WDFY3: variants seen among roughly 807,000 people sequenced by gnomAD.
WDFY3 encodes WD repeat and FYVE domain containing 3.
In WDFY3, 66 loss-of-function variants were observed where a neutral mutation model predicts 409.6. That is an observed-to-expected ratio of 0.16 (90% CI 0.13 to 0.20). The LOEUF (loss-of-function observed/expected upper bound fraction) is 0.20. Among genes scored for constraint, WDFY3 ranks in the 10% least tolerant of loss-of-function variants. The probability of loss-of-function intolerance (pLI) is 1.00; values close to 1 mark genes in which losing one functional copy is unlikely to be tolerated. For synonymous variants in WDFY3, 1,521 were observed against 1,537.1 expected (o/e 0.99, Z 0.25); for missense variants, 3,031 against 4,298.1 (o/e 0.71, Z 8.24).
In WDFY3 at chr4:84,877,889, C is replaced by T. The variant is rs1297845269; in HGVS notation, c.-31-17267G>A. ...GTTTAGAAGATAAATGATTTAGAGGCAGCTCAAGGACTAGTTAAGGTGATT... is the reference window on the plus strand; with the variant it reads ...GTTTAGAAGATAAATGATTTAGAGGTAGCTCAAGGACTAGTTAAGGTGATT... On this transcript the variant is annotated intron_variant, in intron 3 of 67. Transcript: ENST00000295888. Among the ~76,000 whole-genome samples the T allele has an allele frequency of 3.3e-5, 5 of 152,096 alleles. No homozygotes were observed. The East Asian group carries it at 5.8e-4, about 18-fold the overall frequency.
intron 10 of WDFY3, among the ~76,000 whole-genome samples, chr4:84,821,840 T>A (rs1181233303): frequency 6.6e-6 from 1 of 152,184 alleles, no homozygotes; most frequent in African/African-American, 2.4e-5. Context: ...ATTATAAACA[T>A]CCATGCTTCA....
intron 8 of WDFY3, 118 bp from the exon 9 acceptor site, chr4:84,829,308 T>G (rs1288142008): frequency 2.4e-6 from 2 of 829,436 alleles, no homozygotes; most frequent in African/African-American, 3.5e-5. Flanking sequence ...TAAAATACTA[T>G]GAGATAAATG....
intron 62 of WDFY3, 84 bp downstream of exon 62, chr4:84,688,002 G>T: frequency 7.0e-7 from 1 of 1,427,122 alleles, no homozygotes; most frequent in Non-Finnish European, 9.7e-7. Context: ...ACTCAGACAT[G>T]TTCCCCTGAG....
intron 16 of WDFY3, 141 bp from the exon 17 acceptor site, chr4:84,802,005 T>A: frequency 1.3e-6 from 1 of 773,164 alleles, no homozygotes; most frequent in East Asian, 2.7e-5. Flanking sequence ...TGGAGTGCAA[T>A]GGTGTGATCT....
chr4:84,805,370 C>T (rs573845541), intron 15 of WDFY3, among the ~76,000 whole-genome samples: 1 of 152,192 alleles, frequency 6.6e-6, no homozygotes, highest in African/African-American at 2.4e-5. Flanking sequence ...AAAGGAATTA[C>T]ATTCATTGTT....
At chr4:84,841,924 G>GAAAT (rs1422366913) in intron 5 of WDFY3, among the ~76,000 whole-genome samples, 4 of 152,118 alleles carry the variant, frequency 2.6e-5, no homozygotes, top group African/African-American at 9.7e-5. Flanking sequence ...TGGTGAGAGG[G>GAAAT]AAATAAGAGG....
intron 1 of WDFY3, among the ~76,000 whole-genome samples, chr4:84,962,161 A>G (rs918467066): frequency 1.6e-4 from 24 of 152,374 alleles, no homozygotes; most frequent in African/African-American, 5.8e-4. Flanking sequence ...GTACCAGCTC[A>G]TGGGAGCCCA....
chr4:84,769,309 T>C (rs1167955604), intron 30 of WDFY3, among the ~76,000 whole-genome samples: 4 of 152,206 alleles, frequency 2.6e-5, no homozygotes, highest in Non-Finnish European at 4.4e-5. Context: ...AGTTCTACCA[T>C]AGGTAAAATG....
intron 16 of WDFY3, 162 bp downstream of exon 16, chr4:84,803,128 T>C (rs1027127403): frequency 2.9e-6 from 2 of 700,888 alleles, no homozygotes; most frequent in African/African-American, 1.8e-5. Flanking sequence ...CCATTTATCA[T>C]GAAAGGTAAC....
At chr4:84,809,025 G>C (rs1314008135) in intron 14 of WDFY3, 1 of 152,220 alleles carries the variant, frequency 6.6e-6, no homozygotes, top group African/African-American at 2.4e-5. Flanking sequence ...TAGTTACATG[G>C]TCTATTGATG....
At chr4:84,857,375 G>A (rs1441212227) in intron 4 of WDFY3, among the ~76,000 whole-genome samples, 1 of 151,844 alleles carries the variant, frequency 6.6e-6, no homozygotes, top group African/African-American at 2.4e-5. Context: ...AAAATACATG[G>A]GATACATATA....
At position 84,865,203 on chromosome 4, in the gene WDFY3, A is replaced by C. The variant is rs76083268; in HGVS notation, c.-31-4581T>G. On this transcript the variant is annotated intron_variant, in intron 3 of 67. Coordinates refer to ENST00000295888, the MANE Select transcript of WDFY3 (RefSeq NM_014991.6). ...CGCACCTGGCCTCAACTTTCATTTTAATTTTAAAAATACACATGATCACAT... is the reference window on the plus strand; with the variant it reads ...CGCACCTGGCCTCAACTTTCATTTTCATTTTAAAAATACACATGATCACAT... 8.6e-3 allele frequency among the ~76,000 whole-genome samples: 1,312 copies of C among 152,216 alleles called. 22 individuals are homozygous for C. The highest frequency in any genetic ancestry group is 0.03 in the African/African-American group (1,235 of 41,508).
chr4:84,965,614 C>T (rs191887240), intron 1 of WDFY3: 1 of 152,276 alleles, frequency 6.6e-6, no homozygotes, highest in Non-Finnish European at 1.5e-5. Context: ...CACCACATCC[C>T]CAGTACAAGA....
At chr4:84,777,461 A>C (rs1745746927) in intron 27 of WDFY3, among the ~76,000 whole-genome samples, 2 of 152,272 alleles carry the variant, frequency 1.3e-5, no homozygotes, top group South Asian at 4.1e-4. Context: ...CCTGAAAGCT[A>C]GCAAAAGAAG....
intron 2 of WDFY3, among the ~76,000 whole-genome samples, chr4:84,930,602 T>C (rs922093696): frequency 2.0e-5 from 3 of 152,342 alleles, no homozygotes; most frequent in South Asian, 2.1e-4. Flanking sequence ...GGGTACCTAA[T>C]AGTATGTCTC....
rs12647821 is a variant in WDFY3 at position 84,860,009 on chromosome 4, A to C, written c.180+403T>G. Among the ~76,000 whole-genome samples, 61 of 152,364 alleles carry C rather than the reference A, an allele frequency of 4.0e-4. No individual in the cohort carries two copies. The East Asian group carries it at 8.7e-3, about 22-fold the overall frequency. ...TTACAGCATCTCTTAAACAACAGCA[A>C]ATTGTAATGACTTTTTAAAGTATAC... On this transcript the variant is annotated intron_variant, in intron 4 of 67. Coordinates refer to ENST00000295888, the MANE Select transcript of WDFY3 (RefSeq NM_014991.6).
rs1769370136 is a variant in WDFY3 at position 84,922,103 on chromosome 4, T to C, written c.-132+10167A>G. Among the ~76,000 whole-genome samples, 6 of 152,092 alleles carry C rather than the reference T, an allele frequency of 3.9e-5. No individual in the cohort carries two copies. The South Asian group carries it at 1.2e-3, about 32-fold the overall frequency. On this transcript the variant is annotated intron_variant, in intron 2 of 67. Transcript: ENST00000295888. ...ATATATCTGTATCCGGATTCTAGTA[T>C]TCTACTTGAGCACCTACACCTGTAG... is the stretch of plus-strand genomic sequence containing the variant.
chr4:84,810,460 T>C (rs770887140), intron 13 of WDFY3, 116 bp from the exon 14 acceptor site: 38 of 928,184 alleles, frequency 4.1e-5, no homozygotes, highest in Non-Finnish European at 5.5e-5. Flanking sequence ...GTTTTTATCA[T>C]TTACCCAATA....
In WDFY3 at chr4:84,775,120, A is replaced by G. The variant is rs1201954947; in HGVS notation, c.4537T>C (p.Tyr1513His). 2.5e-6 allele frequency: 4 copies of G among 1,613,368 alleles called. No individual in the cohort carries two copies. Among genetic ancestry groups the G allele is most frequent in the Admixed American group, 3.3e-5 (2 of 60,020 alleles). The change falls in exon 28 of 68, where the codon TAT becomes CAT. Residue 1513 changes from tyrosine to histidine, a missense_variant. Physicochemically the swap from Tyr to His is moderately conservative, Grantham distance 83 (BLOSUM62 2). Transcript: ENST00000295888. ...TCAAATAAGGAAAGATGAAGTTCAT[A>G]TGGTGCATGGAGCCAGACCTATAAT... ...CDFEVWLHAP[Y>H]ELHLSLFEHF... is the part of the protein sequence containing the mutation.
Sources: gnomAD v4.1 joint callset for allele counts (sites outside exome capture counted in the v4.1 genomes callset) on GRCh38, gnomAD v4.1.1 for gene constraint, MANE v1.5 for transcripts, NCBI Gene and HGNC (gene_info 2026-07-23, HGNC 2026-07-21) for gene names.